Variants in BRCA2 observed in about 807,000 individuals in gnomAD.
The protein encoded by BRCA2 is BRCA2 DNA repair associated, also known as breast cancer type 2 susceptibility protein.
In BRCA2, 203 loss-of-function variants were observed where a neutral mutation model predicts 276.7. That is an observed-to-expected ratio of 0.73 (90% CI 0.65 to 0.82). The LOEUF (loss-of-function observed/expected upper bound fraction) is 0.82. BRCA2 is among the 40% of genes least tolerant of loss of function. The probability of loss-of-function intolerance (pLI) is 0.00; values close to 1 mark genes in which losing one functional copy is unlikely to be tolerated. For synonymous variants in BRCA2, 1,289 were observed against 1,338.4 expected, an observed-to-expected ratio of 0.96 and a Z score of 0.81; for missense variants, 3,920 against 3,915.0, an observed-to-expected ratio of 1.00 and a Z score of -0.03.
chr13:32,343,471 C>G (rs1430751456), intron 11 of BRCA2, among the ~76,000 whole-genome samples: 4 of 152,156 alleles, frequency 2.6e-5, no homozygotes, highest in Admixed American at 6.5e-5. Context: ...CTAAGTCATT[C>G]TGGTGGATAC....
In BRCA2 at chr13:32,332,348, C is replaced by G. The variant is rs1177514552; in HGVS notation, c.870C>G (p.Val290=). ...KDHIGKSMPN[V]LEDEVYETVV... ...ACATTGGAAAGTCAATGCCAAATGT[C>G]CTAGAAGATGAAGTATATGAAACAG... The change falls in exon 10 of 27, where the codon GTC becomes GTG. Residue 290 remains valine, a synonymous_variant. Transcript: ENST00000380152. The G allele has an allele frequency of 6.3e-7, 1 of 1,597,642 alleles. No individual in the cohort carries two copies. The highest frequency in any genetic ancestry group is 8.5e-7 in the Non-Finnish European group (1 of 1,172,080).
intron 3 of BRCA2, among the ~76,000 whole-genome samples, chr13:32,320,540 G>T (rs983191988): frequency 6.6e-6 from 1 of 151,982 alleles, no homozygotes; most frequent in African/African-American, 2.4e-5. Flanking sequence ...GCTAATTTGC[G>T]TGCTCGTCTT....
At chr13:32,356,717 G>A (rs2137564196) in intron 15 of BRCA2, 108 bp downstream of exon 15, 2 of 1,284,410 alleles carry the variant, frequency 1.6e-6, no homozygotes, top group Non-Finnish European at 2.2e-6. Context: ...CATTAGTGCA[G>A]GAATGGATGA....
Position 32,355,287 on chromosome 13 carries a change from A to C in BRCA2, c.7434A>C (p.Leu2478Phe), listed in dbSNP as rs1593918707. 6.2e-7 allele frequency: 1 copy of C among 1,613,664 alleles called. No homozygotes were observed. Among genetic ancestry groups the C allele is most frequent in the Non-Finnish European group, 8.5e-7 (1 of 1,179,778 alleles). ...TCACAAAGTGTGAAGAAGAACCTTT[A>C]GGTATTGTATGACAATTTGTGTGAT... is the stretch of plus-strand genomic sequence containing the variant. ...VTFTKCEEEPLDLITSLQNAR... is the reference protein window; with the variant it reads ...VTFTKCEEEPFDLITSLQNAR... The change falls in exon 14 of 27, where the codon TTA (leucine) becomes TTC (phenylalanine). Residue 2478 changes from leucine (L) to phenylalanine (F), a missense_variant and splice_region_variant. Leu to Phe is a conservative substitution (Grantham distance 22, BLOSUM62 0). This residue lies in a region of BRCA2 where 3,263 missense variants were observed against 3,156.9 expected (regional missense o/e 1.03). Coordinates refer to ENST00000380152, the MANE Select transcript of BRCA2 (RefSeq NM_000059.4).
intron 7 of BRCA2, among the ~76,000 whole-genome samples, chr13:32,326,973 CTT>C (rs2072354797): frequency 6.6e-6 from 1 of 152,174 alleles, no homozygotes; most frequent in Non-Finnish European, 1.5e-5. Context: ...ATTAAATAAG[CTT>C]TTGTTTTCTC....
chr13:32,386,691 A>G (rs897263727), intron 24 of BRCA2, among the ~76,000 whole-genome samples: 5 of 152,126 alleles, frequency 3.3e-5, no homozygotes, highest in African/African-American at 1.2e-4. Flanking sequence ...TTGACTCTCT[A>G]TTTATCCAAG....
intron 10 of BRCA2, among the ~76,000 whole-genome samples, chr13:32,334,239 A>G (rs912780133): frequency 1.3e-5 from 2 of 152,228 alleles, no homozygotes; most frequent in Admixed American, 6.5e-5. Context: ...TCCAGCCAAC[A>G]ACTTGAGACA....
intron 20 of BRCA2, among the ~76,000 whole-genome samples, chr13:32,372,643 G>A (rs1156895812): frequency 6.6e-6 from 1 of 152,106 alleles, no homozygotes; most frequent in Non-Finnish European, 1.5e-5. Flanking sequence ...TACAATTTGA[G>A]ATGAGATTTG....
rs794726967 is a variant in BRCA2, at chr13:32,332,517, C to T, written c.1039C>T (p.Gln347Ter). The change falls in exon 10 of 27, where the codon CAA (glutamine) becomes TAA (stop). Residue 347 changes from glutamine (Q) to a stop codon, truncating the protein, a stop_gained. Coordinates refer to ENST00000380152, the MANE Select transcript of BRCA2 (RefSeq NM_000059.4). LOFTEE classifies it high-confidence loss of function. The stretch of plus-strand genomic sequence containing the variant: ...TGATGAATGTGAAAAATCTAAAAAC[C>T]AAGTGAAAGAAAAATACTCATTTGT... ...NADECEKSKN[Q>*]VKEKYSFVSE... The T allele has an allele frequency of 6.2e-7, 1 of 1,610,740 alleles. No individual in the cohort carries two copies. Among genetic ancestry groups the T allele is most frequent in the African/African-American group, 1.3e-5 (1 of 74,734 alleles).
intron 18 of BRCA2, among the ~76,000 whole-genome samples, chr13:32,365,425 G>T (rs2072774375): frequency 6.6e-6 from 1 of 151,966 alleles, no homozygotes; most frequent in African/African-American, 2.4e-5. Context: ...TTGTTGCCCA[G>T]GCTGGAGTGC....
Position 32,339,216 on chromosome 13 carries a change from T to G in BRCA2, c.4861T>G (p.Cys1621Gly), listed in dbSNP as rs1060502419. The change falls in exon 11 of 27, where the codon TGT (cysteine) becomes GGT (glycine). Residue 1621 changes from cysteine (C) to glycine (G), a missense_variant. Physicochemically the swap from Cys to Gly is radical, Grantham distance 159. Coordinates refer to ENST00000380152, the MANE Select transcript of BRCA2 (RefSeq NM_000059.4). ...VPPKLLSDNL[C>G]RQTENLKTSK... ...ACCTAAGCTCTTAAGTGATAATTTA[T>G]GTAGACAAACTGAAAATCTCAAAAC... is the stretch of plus-strand genomic sequence containing the variant. 2 of 1,613,190 alleles carry G rather than the reference T, an allele frequency of 1.2e-6. No homozygotes were observed. Among genetic ancestry groups the G allele is most frequent in the Non-Finnish European group, 1.7e-6 (2 of 1,179,460 alleles).
intron 25 of BRCA2, among the ~76,000 whole-genome samples, chr13:32,395,534 A>G (rs2073030049): frequency 6.6e-6 from 1 of 152,148 alleles, no homozygotes; most frequent in South Asian, 2.1e-4. Flanking sequence ...CTATTTTATC[A>G]GTGAGAAACA....
In BRCA2 at chr13:32,331,055, A is replaced by G. The variant is rs1379475844; in HGVS notation, c.793+25A>G. ...GGTAAGTCCTCTGTTTAGTTGAACT[A>G]CAGGTTTTTTTGTTGTTGTTGTTTT... is the stretch of plus-strand genomic sequence containing the variant. On this transcript the variant is annotated intron_variant, in intron 9 of 26. Transcript: ENST00000380152. 2.0e-6 allele frequency: 3 copies of G among 1,521,694 alleles called. 1 individual carries two copies. The highest frequency in any genetic ancestry group is 2.3e-5 in the South Asian group (2 of 87,874). 94.3% of individuals were successfully genotyped at this position (1,521,694 alleles called of 1,614,324 possible).
chr13:32,357,031 T>C (rs1464461804), intron 15 of BRCA2, among the ~76,000 whole-genome samples: 1 of 152,258 alleles, frequency 6.6e-6, no homozygotes, highest in African/African-American at 2.4e-5. Context: ...GAAAATAATA[T>C]TGATGACATT....
chr13:32,364,688 C>T (rs2072768969), intron 18 of BRCA2, among the ~76,000 whole-genome samples: 1 of 152,146 alleles, frequency 6.6e-6, no homozygotes, highest in Non-Finnish European at 1.5e-5. Context: ...TTTCATTTCT[C>T]TTAATTTTCT....
At chr13:32,325,620 A>G (rs1315430277) in intron 4 of BRCA2, among the ~76,000 whole-genome samples, 4 of 149,990 alleles carry the variant, frequency 2.7e-5, no homozygotes, top group African/African-American at 9.9e-5. Flanking sequence ...AGCTCACTGC[A>G]AGCTCCGCCT....
At chr13:32,379,647 C>A in intron 22 of BRCA2, 103 bp from the exon 23 acceptor site, 1 of 1,506,612 alleles carries the variant, frequency 6.6e-7, no homozygotes, top group Non-Finnish European at 9.2e-7. Flanking sequence ...CTACTAATGC[C>A]CACAAAGAGA....
intron 24 of BRCA2, chr13:32,384,770 CAG>C (rs1257400210): frequency 3.8e-6 from 1 of 262,348 alleles, no homozygotes; most frequent in African/African-American, 2.3e-5. Flanking sequence ...ATTTGGAAAA[CAG>C]AGTCTTGGAC....
chr13:32,399,625 C>T lies in BRCA2; in HGVS notation c.*855C>T, dbSNP rs144947432. The T allele has an allele frequency of 5.6e-6, 1 of 177,514 alleles. No homozygotes were observed. Among genetic ancestry groups the T allele is most frequent in the Non-Finnish European group, 1.2e-5 (1 of 82,698 alleles). 11.0% of individuals were successfully genotyped at this position (177,514 alleles called of 1,614,324 possible). ...TTTTTTTTTTCAACAAAATGGTCATCCAAACTCAAACTTGAGAAAATATCT... is the reference window on the plus strand; with the variant it reads ...TTTTTTTTTTCAACAAAATGGTCATTCAAACTCAAACTTGAGAAAATATCT... On this transcript the variant is annotated 3_prime_UTR_variant, in exon 27 of 27. Coordinates refer to ENST00000380152, the MANE Select transcript of BRCA2 (RefSeq NM_000059.4).
Sources: allele counts gnomAD v4.1 joint callset (sites outside exome capture counted in the v4.1 genomes callset), GRCh38; gene constraint gnomAD v4.1.1; regional missense constraint gnomAD v4.1.1; transcripts MANE v1.5; gene names NCBI Gene and HGNC (gene_info 2026-07-23, HGNC 2026-07-21).